Variants in PIEZO1 observed in about 807,000 individuals in gnomAD.
The protein encoded by PIEZO1 is piezo type mechanosensitive ion channel component 1 (Er blood group).
A neutral mutation model predicts 297.2 loss-of-function variants in PIEZO1; 296 were observed. The observed-to-expected ratio is 1.00, with a 90% CI of 0.91 to 1.10. The LOEUF is 1.10. PIEZO1 is among the 50% of genes least tolerant of loss of function. The probability of loss-of-function intolerance (pLI) is 0.00; values close to 1 mark genes in which losing one functional copy is unlikely to be tolerated. For missense variants in PIEZO1, 5,018 were observed against 3,455.5 expected, an observed-to-expected ratio of 1.45 and a Z score of -11.34; for synonymous variants, 2,427 against 1,507.5, an observed-to-expected ratio of 1.61 and a Z score of -14.13.
chr16:88,737,567 C>T lies in PIEZO1; in HGVS notation c.1187G>A (p.Arg396Gln), dbSNP rs764722890. The T allele has an allele frequency of 5.0e-4, 773 of 1,532,922 alleles. 1 individual carries two copies. Among genetic ancestry groups the T allele is most frequent in the Non-Finnish European group, 5.5e-4 (631 of 1,145,622 alleles). 95.0% of individuals were successfully genotyped at this position (1,532,922 alleles called of 1,614,324 possible). The change falls in exon 10 of 51, where the codon CGG becomes CAG. Residue 396 changes from arginine (R) to glutamine (Q), a missense_variant. Physicochemically the swap from Arg to Gln is conservative, Grantham distance 43. Coordinates refer to ENST00000301015, the MANE Select transcript of PIEZO1 (RefSeq NM_001142864.4). ...HELTGQSSVL[R>Q]RPVRPKRAEP... The stretch of plus-strand genomic sequence containing the variant: ...CAGTGTGCGGTACTCACCAGGCCGC[C>T]GCAGGACGGAGCTCTGGCCGGTCAG...
At position 88,726,811 on chromosome 16, in the gene PIEZO1, C is replaced by T. The variant is rs370414993; in HGVS notation, c.3603G>A (p.Thr1201=). ...CCCGTGTGTCCCTCTGCAGCAGGGC[C>T]GTGCCGAAGAGCAGCAGGTAGAAGC... ...LACFYLLLFG[T]ALLQRDTRAR... The change falls in exon 25 of 51, where the codon ACG becomes ACA. Residue 1201 remains threonine, a synonymous_variant. Transcript: ENST00000301015. 7.4e-5 allele frequency: 114 copies of T among 1,550,310 alleles called. No homozygotes were observed. Among genetic ancestry groups the T allele is most frequent in the Middle Eastern group, 1.7e-4 (1 of 5,992 alleles).
intron 1 of PIEZO1, among the ~76,000 whole-genome samples, chr16:88,765,848 A>C (rs1009590525): frequency 3.3e-5 from 5 of 151,206 alleles, no homozygotes; most frequent in Non-Finnish European, 4.4e-5. Context: ...TAATTTTTCT[A>C]TTTTCAGTAG....
intron 2 of PIEZO1, chr16:88,743,501 G>A (rs1352015853): frequency 2.2e-6 from 1 of 454,784 alleles, no homozygotes; most frequent in Admixed American, 2.4e-5. Context: ...GTAGCATCTG[G>A]GTCTGGGTCC....
rs755545268 is a variant in PIEZO1 at position 88,738,602 on chromosome 16, C to T, written c.600G>A (p.Gly200=). 2.5e-5 allele frequency: 39 copies of T among 1,535,508 alleles called. No individual in the cohort carries two copies. The highest frequency in any genetic ancestry group is 3.2e-5 in the Non-Finnish European group (37 of 1,146,734). The change falls in exon 6 of 51, where the codon GGG becomes GGA. Residue 200 remains glycine, a synonymous_variant. Transcript: ENST00000301015. ...CAAGCAGTGTTACGGCCAGGACCCGCCCAGCCGCCACCAGCAGCCAGTGGG... is the reference window on the plus strand; with the variant it reads ...CAAGCAGTGTTACGGCCAGGACCCGTCCAGCCGCCACCAGCAGCCAGTGGG... The part of the protein sequence containing the change: ...VTAHWLLVAA[G]RVLAVTLLAL...
chr16:88,756,323 A>C (rs1268418514), intron 1 of PIEZO1, among the ~76,000 whole-genome samples: 2 of 152,278 alleles, frequency 1.3e-5, no homozygotes, highest in East Asian at 1.9e-4. Context: ...CACAACCTGG[A>C]GTCAGTCGTT....
intron 1 of PIEZO1, among the ~76,000 whole-genome samples, chr16:88,775,270 C>G (rs1907605942): frequency 6.6e-6 from 1 of 152,198 alleles, no homozygotes; most frequent in Admixed American, 6.5e-5. Flanking sequence ...ACAGAGGATG[C>G]CGGGGCAGAC....
Position 88,720,676 on chromosome 16 carries a change from C to G in PIEZO1, c.5741G>C (p.Ser1914Thr), listed in dbSNP as rs774286810. The change falls in exon 40 of 51, where the codon AGC becomes ACC. Residue 1914 changes from serine (S) to threonine (T), a missense_variant. Physicochemically the swap from Ser to Thr is moderately conservative, Grantham distance 58. Transcript: ENST00000301015. ...EAPTGREKRPSRSGGRVRAAG... is the reference protein window; with the variant it reads ...EAPTGREKRPTRSGGRVRAAG... ...CGCCCTTACTCTTCCTCCAGAGCGGCTTGGCCTCTTCTCTCTCCCCGTGGG... is the reference window on the plus strand; with the variant it reads ...CGCCCTTACTCTTCCTCCAGAGCGGGTTGGCCTCTTCTCTCTCCCCGTGGG... 1.3e-5 allele frequency: 20 copies of G among 1,546,462 alleles called. No individual in the cohort carries two copies. In the South Asian group the frequency reaches 2.4e-4, roughly 18 times the overall value.
chr16:88,772,459 A>T (rs1907467150), intron 1 of PIEZO1, among the ~76,000 whole-genome samples: 1 of 152,202 alleles, frequency 6.6e-6, no homozygotes, highest in Non-Finnish European at 1.5e-5. Flanking sequence ...GGCAGGTGGC[A>T]GAGGGCACGG....
chr16:88,723,110 C>CG lies in PIEZO1; in HGVS notation c.4479dup (p.Glu1494ArgfsTer31). 8 of 1,548,504 alleles carry CG rather than the reference C, an allele frequency of 5.2e-6. No individual in the cohort carries two copies. The highest frequency in any genetic ancestry group is 1.7e-4 in the Middle Eastern group (1 of 5,974). Reference sequence around the variant, plus strand: ...GCCCACGTACCTGCCGCTGCCTCCTCGGGGCCCTCTGCTGGCTCCACCTCC... The same window carrying CG: ...GCCCACGTACCTGCCGCTGCCTCCTCGGGGGCCCTCTGCTGGCTCCACCTCC... On this transcript the variant is annotated frameshift_variant, in exon 33 of 51. Transcript: ENST00000301015. LOFTEE classifies it high-confidence loss of function.
At chr16:88,737,677 GGCTGGCCGGGCGCCCCCCAC>G in intron 9 of PIEZO1, 31 bp from the exon 10 acceptor site, 1 of 1,533,028 alleles carries the variant, frequency 6.5e-7, no homozygotes, top group Non-Finnish European at 8.7e-7. Flanking sequence ...GCCATGCACG[GGCTGGCCGGGCGCCCCCCAC>G]GCTGGCGTCT....
chr16:88,738,247 C>A lies in PIEZO1; in HGVS notation c.828G>T (p.Pro276=). ...GTTACCTAGCCCAGATGCCGGCAGG[C>A]GGGAGCAGAGCCTGTGCCAAGGGCA... The part of the protein sequence containing the change: ...YQMPLAQALL[P]PAGIWARVLG... Residue 276 remains proline, a synonymous_variant, in exon 7 of 51, where the codon CCG becomes CCT. Transcript: ENST00000301015. 2.0e-6 allele frequency: 3 copies of A among 1,535,784 alleles called. No homozygotes were observed. Among genetic ancestry groups the A allele is most frequent in the Non-Finnish European group, 2.6e-6 (3 of 1,146,788 alleles).
rs1471089115 is a variant in PIEZO1, at chr16:88,742,373, G to A, written c.210C>T (p.Phe70=). 1 of 1,535,430 alleles carries A rather than the reference G, an allele frequency of 6.5e-7. No individual in the cohort carries two copies. Among genetic ancestry groups the A allele is most frequent in the Non-Finnish European group, 8.7e-7 (1 of 1,146,698 alleles). Residue 70 remains phenylalanine (F), a synonymous_variant, in exon 3 of 51, where the codon TTC becomes TTT. Transcript: ENST00000301015. The part of the protein sequence containing the change: ...LRALLGLSLL[F]LVAHLALQIC... ...TCTGGAGGGCGAGATGGGCCACCAGGAAGAGCAGGCTGAGGCCCAGCAATG... is the reference window on the plus strand; with the variant it reads ...TCTGGAGGGCGAGATGGGCCACCAGAAAGAGCAGGCTGAGGCCCAGCAATG...
At chr16:88,728,368 G>T (rs568405684) in intron 22 of PIEZO1, among the ~76,000 whole-genome samples, 14 of 152,358 alleles carry the variant, frequency 9.2e-5, no homozygotes, top group East Asian at 5.8e-4. Context: ...TGCCACAGAG[G>T]GAACCTCGCG....
intron 1 of PIEZO1, among the ~76,000 whole-genome samples, chr16:88,758,329 G>C (rs1384814006): frequency 6.6e-6 from 1 of 152,108 alleles, no homozygotes; most frequent in Non-Finnish European, 1.5e-5. Flanking sequence ...CTCCCTGACA[G>C]ACCAACATCG....
At chr16:88,736,032 G>T (rs1905189011) in intron 12 of PIEZO1, 116 bp downstream of exon 12, 1 of 1,057,048 alleles carries the variant, frequency 9.5e-7, no homozygotes. Flanking sequence ...GGGACAGACA[G>T]ACACATCTGC....
At chr16:88,723,033 C>G in intron 33 of PIEZO1, 24 bp from the exon 34 acceptor site, 10 of 1,543,552 alleles carry the variant, frequency 6.5e-6, no homozygotes, top group Non-Finnish European at 7.0e-6. Flanking sequence ...GGAGGGGGCG[C>G]TGGAGGGGCA....
At position 88,726,268 on chromosome 16, in the gene PIEZO1, C is replaced by A; in HGVS notation, c.3968+16G>T. ...CCAAGACGGGAGCTCTGGGCTGTGT[C>A]TGGGCCCAAGCTTGCCTGGAGGCTA... On this transcript the variant is annotated intron_variant, in intron 27 of 50. Coordinates refer to ENST00000301015, the MANE Select transcript of PIEZO1 (RefSeq NM_001142864.4). 1 of 1,542,024 alleles carries A rather than the reference C, an allele frequency of 6.5e-7. No individual in the cohort carries two copies. Among genetic ancestry groups the A allele is most frequent in the Non-Finnish European group, 8.8e-7 (1 of 1,142,804 alleles).
intron 1 of PIEZO1, among the ~76,000 whole-genome samples, chr16:88,767,017 T>C (rs1288550189): frequency 1.3e-5 from 2 of 152,260 alleles, no homozygotes; most frequent in Admixed American, 6.5e-5. Flanking sequence ...ACAGTCAGCC[T>C]GTGAGTGCCG....
intron 1 of PIEZO1, among the ~76,000 whole-genome samples, chr16:88,755,253 C>G (rs1906596390): frequency 6.6e-6 from 1 of 152,230 alleles, no homozygotes; most frequent in Non-Finnish European, 1.5e-5. Context: ...GCTGTGGGGA[C>G]AGAGTAACTT....
Sources: gnomAD v4.1 joint callset for allele counts (sites outside exome capture counted in the v4.1 genomes callset) on GRCh38, gnomAD v4.1.1 for gene constraint, MANE v1.5 for transcripts, NCBI Gene and HGNC (gene_info 2026-07-23, HGNC 2026-07-21) for gene names.